The following ADH4 variants were observed in gnomAD, a reference collection of about 807,000 sequenced individuals.
ADH4 encodes the protein all-trans-retinol dehydrogenase [NAD(+)] ADH4.
ADH4 carries 31 observed loss-of-function variants against 35.2 expected under a neutral mutation model. The ratio of observed to expected loss-of-function variants is 0.88; its 90% CI spans 0.66 to 1.19. ADH4 has a LOEUF of 1.19. Among genes scored for constraint, ADH4 ranks in the 50% most tolerant of loss-of-function variants. ADH4 has a pLI of 0.00. For synonymous variants in ADH4, 171 were observed against 160.2 expected (o/e 1.07, Z -0.51); for missense variants, 476 against 458.3 (o/e 1.04, Z -0.35).
At position 99,142,736 on chromosome 4, in the gene ADH4, G is replaced by A; in HGVS notation, c.63C>T (p.Pro21=). ...CTACTTCAACCTCTTCAATGCAAAG[G>A]GGCTTGCCTGCTTCCCAGGCGATGG... is the stretch of plus-strand genomic sequence containing the variant. ...KAAIAWEAGK[P]LCIEEVEVAP... Residue 21 remains proline (P), a synonymous_variant, in exon 2 of 9, where the codon CCC becomes CCT. Transcript: ENST00000265512. 6.2e-7 allele frequency: 1 copy of A among 1,605,784 alleles called. No homozygotes were observed. The highest frequency in any genetic ancestry group is 1.1e-5 in the South Asian group (1 of 89,734).
At position 99,125,959 on chromosome 4, in the gene ADH4, C is replaced by T. The variant is rs533532827; in HGVS notation, c.1118+635G>A. ...TTTGTTTCTATTGATCAAGGCTGTG[C>T]TTGAACATTTTACCTAGAATCATTG... is the stretch of plus-strand genomic sequence containing the variant. On this transcript the variant is annotated intron_variant, in intron 8 of 8. Coordinates refer to ENST00000265512, the MANE Select transcript of ADH4 (RefSeq NM_000670.5). 2.0e-5 allele frequency among the ~76,000 whole-genome samples: 3 copies of T among 152,024 alleles called. No individual in the cohort carries two copies. In the South Asian group the frequency reaches 6.3e-4, roughly 32 times the overall value.
intron 3 of ADH4, among the ~76,000 whole-genome samples, chr4:99,140,697 G>A (rs1264032772): frequency 6.6e-6 from 1 of 151,356 alleles, no homozygotes; most frequent in Admixed American, 6.6e-5. Flanking sequence ...GTGAAAACCC[G>A]TCTCTACTGA....
intron 8 of ADH4, 21 bp from the exon 9 acceptor site, chr4:99,124,487 T>C (rs1486582596): frequency 5.7e-6 from 8 of 1,410,482 alleles, no homozygotes; most frequent in Non-Finnish European, 7.8e-6. Context: ...CAATAAAACA[T>C]TAATAAGTAT....
rs767448488 is a variant in ADH4, at chr4:99,142,742, G to T, written c.57C>A (p.Gly19=). ...KCKAAIAWEA[G]KPLCIEEVEV... Reference sequence around the variant, plus strand: ...CAACCTCTTCAATGCAAAGGGGCTTGCCTGCTTCCCAGGCGATGGCTGCTT... The same window carrying T: ...CAACCTCTTCAATGCAAAGGGGCTTTCCTGCTTCCCAGGCGATGGCTGCTT... The change falls in exon 2 of 9, where the codon GGC becomes GGA. Residue 19 remains glycine (G), a synonymous_variant. Coordinates refer to ENST00000265512, the MANE Select transcript of ADH4 (RefSeq NM_000670.5). The T allele has an allele frequency of 1.2e-6, 2 of 1,605,974 alleles. No individual in the cohort carries two copies. The highest frequency in any genetic ancestry group is 1.7e-5 in the Admixed American group (1 of 58,428).
intron 5 of ADH4, among the ~76,000 whole-genome samples, chr4:99,136,253 C>T (rs1186580621): frequency 6.6e-6 from 1 of 152,076 alleles, no homozygotes; most frequent in Admixed American, 6.6e-5. Flanking sequence ...ATGTAGGCTA[C>T]TGGGCCAGAT....
chr4:99,137,578 T>C (rs29001180), intron 4 of ADH4, among the ~76,000 whole-genome samples: 3 of 152,214 alleles, frequency 2.0e-5, no homozygotes, highest in African/African-American at 7.2e-5. Context: ...CAAACTTTCA[T>C]TGAATGCTTT....
intron 4 of ADH4, among the ~76,000 whole-genome samples, 173 bp downstream of exon 4, chr4:99,138,887 AC>A (rs1729525608): frequency 6.6e-6 from 1 of 152,220 alleles, no homozygotes; most frequent in African/African-American, 2.4e-5. Flanking sequence ...GTTACAAAGA[AC>A]ATTCCAGCAC....
At chr4:99,126,372 A>G (rs1336933592) in intron 8 of ADH4, among the ~76,000 whole-genome samples, 2 of 152,190 alleles carry the variant, frequency 1.3e-5, no homozygotes, top group African/African-American at 4.8e-5. Flanking sequence ...AATTGTATCA[A>G]TTTATGCCAC....
At chr4:99,143,990 A>G (rs937968373) in intron 1 of ADH4, among the ~76,000 whole-genome samples, 2 of 152,220 alleles carry the variant, frequency 1.3e-5, no homozygotes, top group African/African-American at 4.8e-5. Flanking sequence ...GGCCATTTAA[A>G]TAATATTAAT....
At chr4:99,135,678 T>C (rs1462995946) in intron 5 of ADH4, among the ~76,000 whole-genome samples, 1 of 152,184 alleles carries the variant, frequency 6.6e-6, no homozygotes, top group African/African-American at 2.4e-5. Flanking sequence ...GAAGTCACTG[T>C]AGCCTACTGA....
At chr4:99,135,422 C>T (rs1729406567) in intron 5 of ADH4, among the ~76,000 whole-genome samples, 1 of 152,092 alleles carries the variant, frequency 6.6e-6, no homozygotes, top group South Asian at 2.1e-4. Context: ...GAGTGAGACC[C>T]TGTCTCAAAA....
chr4:99,125,345 C>A, intron 8 of ADH4, among the ~76,000 whole-genome samples: 1 of 152,320 alleles, frequency 6.6e-6, no homozygotes, highest in Non-Finnish European at 1.5e-5. Flanking sequence ...GTGTCTACCC[C>A]TAGGCTGATT....
chr4:99,133,574 T>G (rs1729350829), intron 5 of ADH4: 1 of 152,190 alleles, frequency 6.6e-6, no homozygotes, highest in Non-Finnish European at 1.5e-5. Context: ...TCTCTGAGGA[T>G]CTCATGAGGT....
chr4:99,131,761 T>C lies in ADH4; in HGVS notation c.586A>G (p.Thr196Ala). ...YGAAINNAKV[T>A]PGSTCAVFGL... ...AAGACAGCACAAGTCGAACCAGGGG[T>C]GACCTGCAAGCAGGAAAATTATAAA... Residue 196 changes from threonine (T) to alanine (A), a missense_variant, in exon 6 of 9, where the codon ACC becomes GCC. Transcript: ENST00000265512. 2 of 1,610,030 alleles carry C rather than the reference T, an allele frequency of 1.2e-6. No individual in the cohort carries two copies. The highest frequency in any genetic ancestry group is 2.2e-5 in the South Asian group (2 of 90,298).
chr4:99,138,468 G>A (rs7670241), intron 4 of ADH4, among the ~76,000 whole-genome samples: 6 of 151,946 alleles, frequency 3.9e-5, no homozygotes, highest in South Asian at 2.1e-4. Flanking sequence ...CCATACTGCC[G>A]GGGTTAAAAA....
At chr4:99,126,820 G>A (rs1729109648) in intron 7 of ADH4, 88 bp from the exon 8 acceptor site, 1 of 1,317,088 alleles carries the variant, frequency 7.6e-7, no homozygotes, top group Non-Finnish European at 1.0e-6. Flanking sequence ...GAAATTATTA[G>A]GTCAGATTTG....
At position 99,136,564 on chromosome 4, in the gene ADH4, T is replaced by G; in HGVS notation, c.484A>C (p.Asn162His). The change falls in exon 5 of 9, where the codon AAT becomes CAT. Residue 162 changes from asparagine to histidine, a missense_variant. Coordinates refer to ENST00000265512, the MANE Select transcript of ADH4 (RefSeq NM_000670.5). The part of the protein sequence containing the change: ...FSQYTVVSDI[N>H]LAKIDDDANL... ...GCATCATCATCTATTTTGGCAAGAT[T>G]GATATCTGACACCACAGTGTACTGA... is the stretch of plus-strand genomic sequence containing the variant. The G allele has an allele frequency of 6.2e-7, 1 of 1,614,164 alleles. No homozygotes were observed. Among genetic ancestry groups the G allele is most frequent in the Non-Finnish European group, 8.5e-7 (1 of 1,180,006 alleles).
At chr4:99,135,191 G>A (rs1729397568) in intron 5 of ADH4, among the ~76,000 whole-genome samples, 2 of 152,098 alleles carry the variant, frequency 1.3e-5, no homozygotes, top group Admixed American at 6.5e-5. Context: ...CACTTTGGGA[G>A]GTCGAAGTGG....
At position 99,136,596 on chromosome 4, in the gene ADH4, G is replaced by A. The variant is rs1351791187; in HGVS notation, c.452C>T (p.Thr151Ile). ...KPVYHFFGTSTFSQYTVVSDI... is the reference protein window; with the variant it reads ...KPVYHFFGTSIFSQYTVVSDI... The stretch of plus-strand genomic sequence containing the variant: ...TGACACCACAGTGTACTGAGAGAAT[G>A]TACTGGTTCCAAAGAAATGGTAAAC... The change falls in exon 5 of 9, where the codon ACA becomes ATA. Residue 151 changes from threonine (T) to isoleucine (I), a missense_variant. By Grantham distance (89) the Thr-to-Ile change is moderately conservative. Transcript: ENST00000265512. 8.1e-6 allele frequency: 13 copies of A among 1,613,948 alleles called. No individual in the cohort carries two copies. The highest frequency in any genetic ancestry group is 1.1e-5 in the Non-Finnish European group (13 of 1,179,956).
Sources: gnomAD v4.1 joint callset for allele counts (sites outside exome capture counted in the v4.1 genomes callset) on GRCh38, gnomAD v4.1.1 for gene constraint, MANE v1.5 for transcripts, NCBI Gene and HGNC (gene_info 2026-07-23, HGNC 2026-07-21) for gene names.